Variants in COL4A2 observed in about 807,000 individuals in gnomAD.
COL4A2 encodes collagen type IV alpha 2 chain.
Under a neutral mutation model 200.2 loss-of-function variants are expected in COL4A2, and 99 were observed. The ratio of observed to expected loss-of-function variants is 0.49; its 90% CI spans 0.42 to 0.58. The LOEUF (loss-of-function observed/expected upper bound fraction) is 0.58, where lower values mean the gene tolerates loss of function less well. Among genes scored for constraint, COL4A2 ranks in the 20% least tolerant of loss-of-function variants. The pLI is 0.00. For synonymous variants in COL4A2, 897 were observed against 900.6 expected, an observed-to-expected ratio of 1.00 and a Z score of 0.07; for missense variants, 1,950 against 2,314.1, an observed-to-expected ratio of 0.84 and a Z score of 3.23.
At chr13:110,362,828 G>C (rs970511987) in intron 4 of COL4A2, among the ~76,000 whole-genome samples, 5 of 152,302 alleles carry the variant, frequency 3.3e-5, no homozygotes, top group East Asian at 3.9e-4. Flanking sequence ...TGCTTTGCTT[G>C]TTAACTCACC....
intron 29 of COL4A2, among the ~76,000 whole-genome samples, chr13:110,473,765 G>T (rs1435847805): frequency 6.6e-6 from 1 of 152,174 alleles, no homozygotes; most frequent in Non-Finnish European, 1.5e-5. Context: ...GACAGCAAAT[G>T]TTCACACTGG....
At chr13:110,335,614 A>G (rs1035898001) in intron 3 of COL4A2, among the ~76,000 whole-genome samples, 10 of 152,256 alleles carry the variant, frequency 6.6e-5, no homozygotes, top group Admixed American at 5.9e-4. Flanking sequence ...AAATGGACTA[A>G]TACAGCTCCC....
At chr13:110,429,183 G>A (rs570659603) in intron 7 of COL4A2, 2 of 152,270 alleles carry the variant, frequency 1.3e-5, no homozygotes, top group African/African-American at 2.4e-5. Flanking sequence ...TTTAAAGTGG[G>A]GAGGGAAGAA....
At position 110,501,302 on chromosome 13, in the gene COL4A2, C is replaced by G. The variant is rs58298092; in HGVS notation, c.3761-366C>G. On this transcript the variant is annotated intron_variant, in intron 40 of 47. Coordinates refer to ENST00000360467, the MANE Select transcript of COL4A2 (RefSeq NM_001846.4). ...TTCTGTCCATCACCTGTGCTGACCACTGTCCACACATATCAGGATCAGAGT... is the reference window on the plus strand; with the variant it reads ...TTCTGTCCATCACCTGTGCTGACCAGTGTCCACACATATCAGGATCAGAGT... 8.6e-3 allele frequency among the ~76,000 whole-genome samples: 1,312 copies of G among 152,366 alleles called. 16 individuals carry two copies. The highest frequency in any genetic ancestry group is 0.03 in the African/African-American group (1,232 of 41,596).
At chr13:110,440,581 A>G (rs890621453) in intron 16 of COL4A2, among the ~76,000 whole-genome samples, 9 of 152,174 alleles carry the variant, frequency 5.9e-5, no homozygotes, top group African/African-American at 2.2e-4. Context: ...GGGCAACAAG[A>G]GTGAAACTCC....
At position 110,343,573 on chromosome 13, in the gene COL4A2, C is replaced by T. The variant is rs72655761; in HGVS notation, c.100-13899C>T. 3.9e-3 allele frequency among the ~76,000 whole-genome samples: 590 copies of T among 152,286 alleles called. 6 individuals are homozygous for T. The highest frequency in any genetic ancestry group is 5.1e-3 in the Admixed American group (78 of 15,304). On this transcript the variant is annotated intron_variant, in intron 3 of 47. Transcript: ENST00000360467. ...GCCAGCAGGTAGGTAAAGTGGCTGT[C>T]GCATGGGTGTGGTGTTGTCCATGGC...
chr13:110,492,175 C>T lies in COL4A2; in HGVS notation c.3560C>T (p.Pro1187Leu). The T allele has an allele frequency of 6.4e-7, 1 of 1,551,800 alleles. No homozygotes were observed. The highest frequency in any genetic ancestry group is 1.2e-5 in the South Asian group (1 of 84,060). The change falls in exon 38 of 48, where the codon CCA becomes CTA. Residue 1187 changes from proline (P) to leucine (L), a missense_variant and splice_region_variant. Physicochemically the swap from Pro to Leu is moderately conservative, Grantham distance 98. This residue lies in a region of COL4A2 where 1,385 missense variants were observed against 1,720.5 expected (regional missense o/e 0.80). Transcript: ENST00000360467. The part of the protein sequence containing the change: ...DDGWPGAPGL[P>L]GFPGLRGIRG... ...GGCTGGCCGGGAGCTCCGGGCTTACCAGGTAAGGTCACGTAAAACACGTGG... is the reference window on the plus strand; with the variant it reads ...GGCTGGCCGGGAGCTCCGGGCTTACTAGGTAAGGTCACGTAAAACACGTGG...
chr13:110,498,375 C>T (rs1205116119), intron 40 of COL4A2, among the ~76,000 whole-genome samples: 9 of 152,120 alleles, frequency 5.9e-5, no homozygotes, highest in Admixed American at 5.2e-4. Context: ...AATGCAGCAA[C>T]GGGGAAGACT....
intron 4 of COL4A2, 94 bp from the exon 5 acceptor site, chr13:110,424,640 C>CAACAAA: frequency 2.9e-6 from 2 of 699,010 alleles, no homozygotes; most frequent in East Asian, 3.0e-5. Context: ...TCTTTAAAAA[C>CAACAAA]AAAAAAAAAA....
At chr13:110,321,178 A>ATGTGTG (rs10602824) in intron 3 of COL4A2, among the ~76,000 whole-genome samples, 1 of 149,770 alleles carries the variant, frequency 6.7e-6, no homozygotes, top group African/African-American at 2.5e-5. Flanking sequence ...TATAGTGTGC[A>ATGTGTG]TGTGTGTGTG....
chr13:110,374,840 T>A (rs149708489), intron 4 of COL4A2, among the ~76,000 whole-genome samples: 117 of 152,334 alleles, frequency 7.7e-4, no homozygotes, highest in Middle Eastern at 3.4e-3. Context: ...AGTTTTCCCC[T>A]CTTCAGAAGC....
At chr13:110,332,936 A>G (rs769095895) in intron 3 of COL4A2, among the ~76,000 whole-genome samples, 1 of 152,198 alleles carries the variant, frequency 6.6e-6, no homozygotes, top group African/African-American at 2.4e-5. Flanking sequence ...CATGGTAGCT[A>G]TGTAAGTTGT....
rs755371182 is a variant in COL4A2 at position 110,429,898 on chromosome 13, C to A, written c.491C>A (p.Pro164Gln). Reference sequence around the variant, plus strand: ...TCTGCTAATTAGGGGCCCCAAGGACCAAAAGGGCAGAAAGGTGAGCCTTAT... The same window carrying A: ...TCTGCTAATTAGGGGCCCCAAGGACAAAAAGGGCAGAAAGGTGAGCCTTAT... The part of the protein sequence containing the change: ...GFTGPPGPQG[P>Q]KGQKGEPYAL... Residue 164 changes from proline (P) to glutamine (Q), a missense_variant, in exon 8 of 48, where the codon CCA becomes CAA. Transcript: ENST00000360467. 4.3e-6 allele frequency: 7 copies of A among 1,612,648 alleles called. No individual in the cohort carries two copies. Among genetic ancestry groups the A allele is most frequent in the Non-Finnish European group, 5.9e-6 (7 of 1,179,592 alleles).
chr13:110,311,397 C>G lies in COL4A2; in HGVS notation c.99+3274C>G, dbSNP rs1425972096. Among the ~76,000 whole-genome samples the G allele has an allele frequency of 2.6e-5, 4 of 152,130 alleles. No individual in the cohort carries two copies. In the East Asian group the frequency reaches 7.7e-4, roughly 29 times the overall value. The stretch of plus-strand genomic sequence containing the variant: ...GTGTAAGGCAGTGTGACACAGGGGT[C>G]CCATCCCAGACTTGAGGCAGGTGAC... On this transcript the variant is annotated intron_variant, in intron 3 of 47. Transcript: ENST00000360467.
intron 4 of COL4A2, among the ~76,000 whole-genome samples, chr13:110,384,617 T>G (rs1878611326): frequency 6.6e-6 from 1 of 152,188 alleles, no homozygotes; most frequent in Admixed American, 6.5e-5. Context: ...GCCTTCATTC[T>G]CTATCTGACT....
intron 3 of COL4A2, among the ~76,000 whole-genome samples, chr13:110,337,155 T>C (rs1876230741): frequency 1.3e-5 from 2 of 152,234 alleles, no homozygotes; most frequent in African/African-American, 4.8e-5. Flanking sequence ...TCCGTAAGCC[T>C]GTAGGCCAGT....
intron 46 of COL4A2, among the ~76,000 whole-genome samples, chr13:110,506,997 C>T (rs1359565753): frequency 1.3e-5 from 2 of 152,178 alleles, no homozygotes; most frequent in Non-Finnish European, 2.9e-5. Flanking sequence ...TAAGACTCTC[C>T]CATACAGCCC....
intron 40 of COL4A2, among the ~76,000 whole-genome samples, chr13:110,499,163 A>C (rs1883557319): frequency 6.6e-6 from 1 of 152,262 alleles, no homozygotes; most frequent in South Asian, 2.1e-4. Context: ...TGAATCCGTC[A>C]TCTTCCTTCG....
At chr13:110,428,666 G>C in intron 7 of COL4A2, 83 bp downstream of exon 7, 3 of 704,412 alleles carry the variant, frequency 4.3e-6, no homozygotes. Flanking sequence ...GGAGCCTCCC[G>C]CTCACTGTGG....
Sources: gnomAD v4.1 joint callset for allele counts (sites outside exome capture counted in the v4.1 genomes callset) on GRCh38, gnomAD v4.1.1 for gene constraint, gnomAD v4.1.1 regional missense constraint, MANE v1.5 for transcripts, NCBI Gene and HGNC (gene_info 2026-07-23, HGNC 2026-07-21) for gene names.